The following ADAM29 variants were observed in gnomAD, a reference collection of about 807,000 sequenced individuals.
ADAM29 encodes the protein disintegrin and metalloproteinase domain-containing protein 29.
For synonymous variants in ADAM29, 367 were observed against 342.3 expected (o/e 1.07, Z -0.80); for missense variants, 969 against 1,001.8 (o/e 0.97, Z 0.44).
intron 4 of ADAM29, among the ~76,000 whole-genome samples, chr4:174,950,696 A>C (rs1474583807): frequency 6.6e-6 from 1 of 152,200 alleles, no homozygotes; most frequent in Non-Finnish European, 1.5e-5. Context: ...GTGTATATAT[A>C]CATACTTGAT....
chr4:174,952,177 CT>C (rs916943285), intron 4 of ADAM29, among the ~76,000 whole-genome samples: 3 of 151,264 alleles, frequency 2.0e-5, no homozygotes, highest in Admixed American at 6.6e-5. Context: ...ACCTTATTGA[CT>C]TTTTTTTTGG....
chr4:174,939,667 T>A (rs2110967616), intron 4 of ADAM29, among the ~76,000 whole-genome samples: 1 of 152,308 alleles, frequency 6.6e-6, no homozygotes, highest in South Asian at 2.1e-4. Flanking sequence ...TGTTCACATT[T>A]CCTAAAATCA....
At chr4:174,975,091 G>A (rs1190935396) in intron 4 of ADAM29, among the ~76,000 whole-genome samples, 3 of 152,154 alleles carry the variant, frequency 2.0e-5, no homozygotes, top group South Asian at 2.1e-4. Context: ...ACTGTATAGT[G>A]AATCAATTTC....
chr4:174,948,452 G>A (rs1744975775), intron 4 of ADAM29, among the ~76,000 whole-genome samples: 1 of 152,098 alleles, frequency 6.6e-6, no homozygotes, highest in South Asian at 2.1e-4. Context: ...CGGCACTCCT[G>A]GGATGAGTGC....
intron 4 of ADAM29, among the ~76,000 whole-genome samples, chr4:174,962,476 C>T (rs529131475): frequency 6.7e-6 from 1 of 148,436 alleles, no homozygotes; most frequent in East Asian, 2.0e-4. Context: ...CGCGCCACTG[C>T]ACTCCAGCCT....
chr4:174,937,227 A>AC (rs1192195865), intron 4 of ADAM29, among the ~76,000 whole-genome samples: 1 of 151,944 alleles, frequency 6.6e-6, no homozygotes, highest in Non-Finnish European at 1.5e-5. Context: ...CCTTCACTTC[A>AC]CATCCTAAAG....
intron 4 of ADAM29, among the ~76,000 whole-genome samples, chr4:174,952,347 T>C (rs1745225625): frequency 7.9e-6 from 1 of 126,646 alleles, no homozygotes; most frequent in African/African-American, 3.8e-5. Flanking sequence ...TACAGTGCAA[T>C]AACCACACAC....
chr4:174,977,338 G>A lies in ADAM29; in HGVS notation c.1813G>A (p.Gly605Arg), dbSNP rs773013043. 2 of 1,613,524 alleles carry A rather than the reference G, an allele frequency of 1.2e-6. No individual in the cohort carries two copies. The highest frequency in any genetic ancestry group is 2.2e-5 in the East Asian group (1 of 44,868). ...IGEVKDGTECGIDHICIHRHC... is the reference protein window; with the variant it reads ...IGEVKDGTECRIDHICIHRHC... The stretch of plus-strand genomic sequence containing the variant: ...TGAAGTGAAAGATGGAACAGAGTGT[G>A]GGATAGATCATATATGCATCCACAG... Residue 605 changes from glycine to arginine, a missense_variant, in exon 5 of 5, where the codon GGG (glycine) becomes AGG (arginine). Transcript: ENST00000359240.
Position 174,977,953 on chromosome 4 carries a change from C to A in ADAM29, c.2428C>A (p.Pro810Thr). Residue 810 changes from proline (P) to threonine (T), a missense_variant, in exon 5 of 5, where the codon CCT (proline) becomes ACT (threonine). By Grantham distance (38) the Pro-to-Thr change is conservative. Transcript: ENST00000359240. ...CTCCCAGAGGCAACCTCAGTTGATG[C>A]CTTCCCAGAGTCAACCTCCTGTGAC... ...TPSQRQPQLM[P>T]SQSQPPVTPS 6.3e-7 allele frequency: 1 copy of A among 1,593,700 alleles called. No individual in the cohort carries two copies. The highest frequency in any genetic ancestry group is 8.6e-7 in the Non-Finnish European group (1 of 1,168,656).
At chr4:174,968,055 C>A (rs1472949350) in intron 4 of ADAM29, among the ~76,000 whole-genome samples, 1 of 152,038 alleles carries the variant, frequency 6.6e-6, no homozygotes, top group African/African-American at 2.4e-5. Context: ...TCTATAAAAC[C>A]ATGATTTTTC....
At chr4:174,944,719 C>G (rs1401188576) in intron 4 of ADAM29, among the ~76,000 whole-genome samples, 1 of 152,124 alleles carries the variant, frequency 6.6e-6, no homozygotes, top group Non-Finnish European at 1.5e-5. Flanking sequence ...GTCTGTTGTT[C>G]TATCCTTTGT....
intron 4 of ADAM29, among the ~76,000 whole-genome samples, chr4:174,965,230 G>A (rs1746077952): frequency 7.3e-6 from 1 of 137,470 alleles, no homozygotes; most frequent in South Asian, 2.4e-4. Flanking sequence ...AGATCAGAGG[G>A]TAAGGGAGGA....
At position 174,977,612 on chromosome 4, in the gene ADAM29, G is replaced by A. The variant is rs748743733; in HGVS notation, c.2087G>A (p.Arg696Gln). The A allele has an allele frequency of 5.6e-6, 9 of 1,613,734 alleles. No individual in the cohort carries two copies. Among genetic ancestry groups the A allele is most frequent in the South Asian group, 1.1e-5 (1 of 91,048 alleles). The change falls in exon 5 of 5, where the codon CGA becomes CAA. Residue 696 changes from arginine to glutamine, a missense_variant. Arg to Gln is a conservative substitution (Grantham distance 43). Coordinates refer to ENST00000359240, the MANE Select transcript of ADAM29 (RefSeq NM_014269.4). ...TTTATTTTATTATGTTGTCTTTATCGACTTTGTAAAAAAAGTAAACCAATA... is the reference window on the plus strand; with the variant it reads ...TTTATTTTATTATGTTGTCTTTATCAACTTTGTAAAAAAAGTAAACCAATA... ...VLFILLCCLY[R>Q]LCKKSKPIKK...
chr4:174,974,997 T>C (rs1746675806), intron 4 of ADAM29, among the ~76,000 whole-genome samples: 1 of 152,162 alleles, frequency 6.6e-6, no homozygotes, highest in Non-Finnish European at 1.5e-5. Context: ...GTCTCAGAAA[T>C]TGAAGATATA....
intron 4 of ADAM29, among the ~76,000 whole-genome samples, chr4:174,944,431 T>A (rs1744720256): frequency 6.6e-6 from 1 of 152,144 alleles, no homozygotes; most frequent in African/African-American, 2.4e-5. Flanking sequence ...CATGCATGGG[T>A]GGAATATTAT....
intron 2 of ADAM29, among the ~76,000 whole-genome samples, chr4:174,928,926 C>A (rs1009579103): frequency 1.3e-5 from 2 of 151,988 alleles, no homozygotes; most frequent in African/African-American, 2.4e-5. Context: ...TAAGCTGCAG[C>A]GAAAGAATTT....
chr4:174,925,043 C>T (rs1222898609), intron 2 of ADAM29, among the ~76,000 whole-genome samples: 2 of 152,164 alleles, frequency 1.3e-5, no homozygotes, highest in Non-Finnish European at 1.5e-5. Context: ...AACCATCAAA[C>T]ACTAATTGAG....
At chr4:174,945,444 T>C (rs1413187351) in intron 4 of ADAM29, among the ~76,000 whole-genome samples, 2 of 152,194 alleles carry the variant, frequency 1.3e-5, no homozygotes, top group African/African-American at 4.8e-5. Flanking sequence ...TTCTGTAGGT[T>C]GTCTTAAAAA....
At chr4:174,960,152 T>A (rs1204052177) in intron 4 of ADAM29, among the ~76,000 whole-genome samples, 3 of 152,090 alleles carry the variant, frequency 2.0e-5, no homozygotes, top group African/African-American at 7.2e-5. Flanking sequence ...ATAGTGATAA[T>A]CTTTCTATCC....
Sources: gnomAD v4.1 joint callset for allele counts (sites outside exome capture counted in the v4.1 genomes callset) on GRCh38, gnomAD v4.1.1 for gene constraint, MANE v1.5 for transcripts, NCBI Gene and HGNC (gene_info 2026-07-23, HGNC 2026-07-21) for gene names.